Variants in FRMD3 observed in about 807,000 individuals in gnomAD.
FRMD3 encodes the protein FERM domain containing 3, also known as FERM domain-containing protein 3.
A neutral mutation model predicts 70.2 loss-of-function variants in FRMD3; 33 were observed. The ratio of observed to expected loss-of-function variants is 0.47; its 90% CI spans 0.36 to 0.63. FRMD3 has a LOEUF of 0.63. Among genes scored for constraint, FRMD3 ranks in the 20% least tolerant of loss-of-function variants. The pLI is 0.00. For synonymous variants in FRMD3, 279 were observed against 255.9 expected (o/e 1.09, Z -0.86); for missense variants, 632 against 711.4 (o/e 0.89, Z 1.27).
chr9:83,565,385 A>G, the FRMD3 span, among the ~76,000 whole-genome samples: 5 of 152,228 alleles, frequency 3.3e-5, no homozygotes, highest in Non-Finnish European at 7.3e-5. Flanking sequence ...TAGTTTCAGA[A>G]TAAGACTGTG....
chr9:83,576,348 A>G, the FRMD3 span, among the ~76,000 whole-genome samples: 19,186 of 152,120 alleles, frequency 0.13, 1,281 homozygotes, highest in Middle Eastern at 0.22. Context: ...ACATTTTACC[A>G]TGGTAAAACT....
chr9:83,531,365 G>A lies in FRMD3; in HGVS notation c.147+6720C>T, dbSNP rs150412876. Among the ~76,000 whole-genome samples, 869 of 152,338 alleles carry A rather than the reference G, an allele frequency of 5.7e-3. 7 individuals are homozygous for A. Among genetic ancestry groups the A allele is most frequent in the African/African-American group, 0.02 (829 of 41,566 alleles). ...CTAATATTATTGTATTCTCCCTGAAGTCAATACACTTTGCCTTTGCTTTGA... is the reference window on the plus strand; with the variant it reads ...CTAATATTATTGTATTCTCCCTGAAATCAATACACTTTGCCTTTGCTTTGA... On this transcript the variant is annotated intron_variant, in intron 1 of 13. Transcript: ENST00000304195.
chr9:83,515,003 G>A (rs575175938), intron 1 of FRMD3, among the ~76,000 whole-genome samples: 1 of 152,174 alleles, frequency 6.6e-6, no homozygotes, highest in Non-Finnish European at 1.5e-5. Flanking sequence ...CCATGAAGAA[G>A]AGGAAAAAAC....
the FRMD3 span, among the ~76,000 whole-genome samples, chr9:83,576,271 C>T: frequency 8.6e-5 from 13 of 151,666 alleles, no homozygotes; most frequent in Non-Finnish European, 1.8e-4. Flanking sequence ...TATACCACAT[C>T]AACATAATAA....
In FRMD3 at chr9:83,419,335, A is replaced by G. The variant is rs373565419; in HGVS notation, c.148-29627T>C. On this transcript the variant is annotated intron_variant, in intron 1 of 13. Transcript: ENST00000304195. ...TAAGATTAACCATAAAAAAAAGAAA[A>G]TATTTGTTAGGAGCAGTTTTATCAG... Among the ~76,000 whole-genome samples, 12 of 152,304 alleles carry G rather than the reference A, an allele frequency of 7.9e-5. 1 individual carries two copies. Among genetic ancestry groups the G allele is most frequent in the Admixed American group, 3.9e-4 (6 of 15,302 alleles).
At chr9:83,426,981 A>G (rs1255954263) in intron 1 of FRMD3, among the ~76,000 whole-genome samples, 1 of 152,202 alleles carries the variant, frequency 6.6e-6, no homozygotes, top group Non-Finnish European at 1.5e-5. Context: ...CCCCTTAATG[A>G]CATTGCTTCC....
At chr9:83,366,826 T>A (rs2131240920) in intron 3 of FRMD3, among the ~76,000 whole-genome samples, 1 of 152,326 alleles carries the variant, frequency 6.6e-6, no homozygotes, top group Admixed American at 6.5e-5. Context: ...TGCCACTTCA[T>A]GTATACACAT....
chr9:83,264,512 C>A (rs564540737), intron 13 of FRMD3, among the ~76,000 whole-genome samples: 10 of 152,240 alleles, frequency 6.6e-5, no homozygotes, highest in South Asian at 4.2e-4. Flanking sequence ...AAATGTACTT[C>A]TCTTGTGTGG....
chr9:83,558,597 A>T, the FRMD3 span, among the ~76,000 whole-genome samples: 4 of 152,200 alleles, frequency 2.6e-5, no homozygotes, highest in Admixed American at 6.5e-5. Flanking sequence ...TCAAGGAGTA[A>T]TTTAGACTTT....
At chr9:83,349,503 T>A (rs932832651) in intron 4 of FRMD3, among the ~76,000 whole-genome samples, 176 bp downstream of exon 4, 13 of 152,132 alleles carry the variant, frequency 8.5e-5, no homozygotes, top group Admixed American at 5.9e-4. Context: ...ATTGTTTTTT[T>A]AAAAAATCCC....
chr9:83,246,756 A>G lies in FRMD3; in HGVS notation c.*1162T>C. 1 of 985,288 alleles carries G rather than the reference A, an allele frequency of 1.0e-6. No homozygotes were observed. Among genetic ancestry groups the G allele is most frequent in the Non-Finnish European group, 1.2e-6 (1 of 829,908 alleles). 61.0% of individuals were successfully genotyped at this position (985,288 alleles called of 1,614,324 possible). On this transcript the variant is annotated 3_prime_UTR_variant, in exon 14 of 14. Coordinates refer to ENST00000304195, the MANE Select transcript of FRMD3 (RefSeq NM_174938.6). The stretch of plus-strand genomic sequence containing the variant: ...ACAACAAATGGCATGAGGGATCAAA[A>G]TATTTACCTTAAAGTTTCTCCACTT...
intron 12 of FRMD3, chr9:83,297,833 G>A: frequency 4.2e-6 from 2 of 471,648 alleles, no homozygotes; most frequent in Non-Finnish European, 8.8e-6. Flanking sequence ...GGGATATCAT[G>A]CCAACTGCAC....
At chr9:83,556,017 T>C in the FRMD3 span, among the ~76,000 whole-genome samples, 1 of 152,210 alleles carries the variant, frequency 6.6e-6, no homozygotes, top group African/African-American at 2.4e-5. Context: ...TGGGTCAAAC[T>C]GTTTCCTTGA....
chr9:83,243,211 G>T, downstream of FRMD3: 1 of 1,550,342 alleles, frequency 6.5e-7, no homozygotes, highest in Non-Finnish European at 8.7e-7. Context: ...TTTACTGCAT[G>T]GAGACTGGAA....
intron 12 of FRMD3, among the ~76,000 whole-genome samples, chr9:83,291,807 A>G (rs1834430496): frequency 6.6e-6 from 1 of 152,180 alleles, no homozygotes; most frequent in Non-Finnish European, 1.5e-5. Flanking sequence ...CTGGCTTGAC[A>G]TATGTTGCCA....
intron 1 of FRMD3, among the ~76,000 whole-genome samples, chr9:83,454,358 C>T (rs1827756044): frequency 6.6e-6 from 1 of 152,182 alleles, no homozygotes; most frequent in Non-Finnish European, 1.5e-5. Context: ...TCCCATACAA[C>T]CTGGCTCTTG....
chr9:83,583,564 A>G, the FRMD3 span, among the ~76,000 whole-genome samples: 1 of 152,234 alleles, frequency 6.6e-6, no homozygotes, highest in Non-Finnish European at 1.5e-5. Flanking sequence ...TGCTTTAGAT[A>G]TAATCTAAAT....
chr9:83,434,326 C>G (rs1332205121), intron 1 of FRMD3, among the ~76,000 whole-genome samples: 1 of 152,190 alleles, frequency 6.6e-6, no homozygotes, highest in African/African-American at 2.4e-5. Context: ...TGGAGTTAGA[C>G]ACAGGGGGAC....
intron 1 of FRMD3, among the ~76,000 whole-genome samples, chr9:83,527,267 G>A (rs1011232300): frequency 1.3e-5 from 2 of 152,114 alleles, no homozygotes; most frequent in African/African-American, 4.8e-5. Context: ...CATCAGATTT[G>A]CCATGGGAAA....
Sources: gnomAD v4.1 joint callset for allele counts (sites outside exome capture counted in the v4.1 genomes callset) on GRCh38, gnomAD v4.1.1 for gene constraint, MANE v1.5 for transcripts, NCBI Gene and HGNC (gene_info 2026-07-23, HGNC 2026-07-21) for gene names.